Variants in PDE3A observed in about 807,000 individuals in gnomAD.
PDE3A encodes the protein cGMP-inhibited 3',5'-cyclic phosphodiesterase 3A.
PDE3A carries 43 observed loss-of-function variants against 98.3 expected under a neutral mutation model. The observed-to-expected ratio is 0.44, with a 90% CI of 0.34 to 0.56. The LOEUF (loss-of-function observed/expected upper bound fraction) is 0.56. PDE3A is among the 20% of genes least tolerant of loss of function. The pLI is 0.01. For missense variants in PDE3A, 1,427 were observed against 1,440.7 expected (o/e 0.99, Z 0.15); for synonymous variants, 663 against 567.9 (o/e 1.17, Z -2.38).
rs144214843 is a variant in PDE3A at position 20,415,371 on chromosome 12, C to T, written c.960+45127C>T. On this transcript the variant is annotated intron_variant, in intron 1 of 15. Transcript: ENST00000359062. ...TTTGTGATAAAGTATTCAGTTCACT[C>T]GGAATAAGCCGTTGGCCTCCTTTTA... Among the ~76,000 whole-genome samples the T allele has an allele frequency of 3.3e-3, 496 of 151,718 alleles. 2 individuals are homozygous for T. The highest frequency in any genetic ancestry group is 0.027 in the Middle Eastern group (8 of 294).
chr12:20,679,680 C>A (rs1362706044), intron 15 of PDE3A, among the ~76,000 whole-genome samples: 1 of 151,908 alleles, frequency 6.6e-6, no homozygotes, highest in East Asian at 1.9e-4. Flanking sequence ...TTTCAGTGAT[C>A]TATGTGGAAA....
Position 20,369,304 on chromosome 12 carries a change from C to A in PDE3A, c.20C>A (p.Ala7Asp). Residue 7 changes from alanine (A) to aspartate (D), a missense_variant, in exon 1 of 16, where the codon GCT becomes GAT. Physicochemically the swap from Ala to Asp is moderately radical, Grantham distance 126. This residue lies in a region of PDE3A where 1,012 missense variants were observed against 886.5 expected (regional missense o/e 1.14). Coordinates refer to ENST00000359062, the MANE Select transcript of PDE3A (RefSeq NM_000921.5). ...TATACCATGGCAGTGCCCGGCGACG[C>A]TGCACGAGTCAGGGACAAGCCCGTC... MAVPGDAARVRDKPVHS... is the reference protein window; with the variant it reads MAVPGDDARVRDKPVHS... The A allele has an allele frequency of 6.5e-7, 1 of 1,529,600 alleles. No individual in the cohort carries two copies. Among genetic ancestry groups the A allele is most frequent in the Non-Finnish European group, 8.8e-7 (1 of 1,134,042 alleles). 94.8% of individuals were successfully genotyped at this position (1,529,600 alleles called of 1,614,324 possible). A position where few individuals can be genotyped will look rare whatever the true frequency, so the allele number is the denominator to read the frequency against.
rs192106739 is a variant in PDE3A at position 20,635,135 on chromosome 12, T to C, written c.2001+79T>C. On this transcript the variant is annotated intron_variant, in intron 8 of 15. Transcript: ENST00000359062. ...CAGATATTGGCTCAGAAATGAATCTTTGAGGCCAGGCAAGGTGGCTCACAC... is the reference window on the plus strand; with the variant it reads ...CAGATATTGGCTCAGAAATGAATCTCTGAGGCCAGGCAAGGTGGCTCACAC... 1,880 of 1,349,008 alleles carry C rather than the reference T, an allele frequency of 1.4e-3. 1 individual carries two copies. Among genetic ancestry groups the C allele is most frequent in the Middle Eastern group, 4.1e-3 (22 of 5,324 alleles). The allele number at this position is 1,349,008 out of a possible 1,614,324, so 83.6% of individuals were successfully genotyped here. A position where few individuals can be genotyped will look rare whatever the true frequency, so the allele number is the denominator to read the frequency against.
At chr12:20,488,360 C>T (rs1945768053) in intron 1 of PDE3A, among the ~76,000 whole-genome samples, 1 of 152,116 alleles carries the variant, frequency 6.6e-6, no homozygotes, top group Non-Finnish European at 1.5e-5. Context: ...AACAGGAATT[C>T]TTGATATTTA....
At chr12:20,536,091 G>C (rs1941741590) in intron 1 of PDE3A, among the ~76,000 whole-genome samples, 1 of 152,098 alleles carries the variant, frequency 6.6e-6, no homozygotes, top group African/African-American at 2.4e-5. Flanking sequence ...TAAGTGGAAA[G>C]ATTCCTAAAT....
chr12:20,517,341 G>A (rs968234862), intron 1 of PDE3A, among the ~76,000 whole-genome samples: 10 of 152,162 alleles, frequency 6.6e-5, no homozygotes, highest in Non-Finnish European at 1.5e-4. Context: ...TATGAAGAAG[G>A]GGTTGGACTA....
At chr12:20,635,684 C>T (rs1355170713) in intron 8 of PDE3A, among the ~76,000 whole-genome samples, 17 of 141,598 alleles carry the variant, frequency 1.2e-4, no homozygotes, top group Non-Finnish European at 1.8e-4. Flanking sequence ...ACCCAGGAGG[C>T]GGAGGTTGCA....
chr12:20,546,873 A>G (rs889323138), intron 1 of PDE3A, among the ~76,000 whole-genome samples: 1 of 152,112 alleles, frequency 6.6e-6, no homozygotes, highest in African/African-American at 2.4e-5. Flanking sequence ...CTGGTGTATT[A>G]GTATTTCCCT....
At chr12:20,502,155 A>G (rs1054090611) in intron 1 of PDE3A, among the ~76,000 whole-genome samples, 3 of 152,190 alleles carry the variant, frequency 2.0e-5, no homozygotes, top group African/African-American at 7.2e-5. Context: ...GGTACTTCCT[A>G]TTAAATCACG....
Position 20,637,190 on chromosome 12 carries a change from G to T in PDE3A, c.2092G>T (p.Asp698Tyr), listed in dbSNP as rs777693840. Residue 698 changes from aspartate (D) to tyrosine (Y), a missense_variant, in exon 9 of 16, where the codon GAT becomes TAT. This residue lies in a region of PDE3A where 273 missense variants were observed against 420.3 expected (regional missense o/e 0.65). Coordinates refer to ENST00000359062, the MANE Select transcript of PDE3A (RefSeq NM_000921.5). ...QLNTWNFPIF[D>Y]LVENIGRKCG... ...AAATACTTGGAATTTTCCAATTTTTGATTTAGTGGAAAATATAGGAAGAAA... is the reference window on the plus strand; with the variant it reads ...AAATACTTGGAATTTTCCAATTTTTTATTTAGTGGAAAATATAGGAAGAAA... 4 of 1,608,906 alleles carry T rather than the reference G, an allele frequency of 2.5e-6. No homozygotes were observed. The highest frequency in any genetic ancestry group is 3.4e-6 in the Non-Finnish European group (4 of 1,176,030).
At chr12:20,629,258 T>C (rs938284361) in intron 5 of PDE3A, among the ~76,000 whole-genome samples, 1 of 152,178 alleles carries the variant, frequency 6.6e-6, no homozygotes, top group African/African-American at 2.4e-5. Context: ...CAAATACCCA[T>C]ACTTGAAATG....
At chr12:20,400,898 T>C (rs143718227) in intron 1 of PDE3A, among the ~76,000 whole-genome samples, 8 of 152,332 alleles carry the variant, frequency 5.3e-5, no homozygotes, top group Non-Finnish European at 1.0e-4. Flanking sequence ...TTTAGAGATA[T>C]CACAGATTCT....
At chr12:20,465,485 A>G (rs1409445462) in intron 1 of PDE3A, among the ~76,000 whole-genome samples, 1 of 152,164 alleles carries the variant, frequency 6.6e-6, no homozygotes, top group Non-Finnish European at 1.5e-5. Flanking sequence ...ATCTTGGCTC[A>G]CTGCAACCTT....
intron 1 of PDE3A, among the ~76,000 whole-genome samples, chr12:20,427,513 C>T (rs985253438): frequency 1.3e-5 from 2 of 152,070 alleles, no homozygotes; most frequent in Non-Finnish European, 2.9e-5. Context: ...TATGCTAGAT[C>T]TTAGAATTCC....
chr12:20,579,627 C>A (rs1943019027), intron 2 of PDE3A, among the ~76,000 whole-genome samples: 1 of 152,170 alleles, frequency 6.6e-6, no homozygotes, highest in Non-Finnish European at 1.5e-5. Context: ...CTCTTTCCAG[C>A]CACTAATGCC....
intron 1 of PDE3A, among the ~76,000 whole-genome samples, chr12:20,425,215 C>T (rs1944583793): frequency 6.6e-6 from 1 of 152,090 alleles, no homozygotes; most frequent in Non-Finnish European, 1.5e-5. Flanking sequence ...TTGGAGTAGT[C>T]TTTAATTACT....
intron 1 of PDE3A, among the ~76,000 whole-genome samples, chr12:20,528,952 T>C (rs941258545): frequency 6.6e-6 from 1 of 152,108 alleles, no homozygotes; most frequent in Non-Finnish European, 1.5e-5. Flanking sequence ...GAGGGACTTT[T>C]TTCCTGGTTT....
chr12:20,637,488 T>G lies in PDE3A; in HGVS notation c.2139+251T>G, dbSNP rs113805292. On this transcript the variant is annotated intron_variant, in intron 9 of 15. Coordinates refer to ENST00000359062, the MANE Select transcript of PDE3A (RefSeq NM_000921.5). ...GACAAAGTAGGTGGGGATAGAGATA[T>G]ATAGACAAGGGACAAACGATCTAGA... 3.3e-5 allele frequency among the ~76,000 whole-genome samples: 5 copies of G among 152,244 alleles called. 1 individual carries two copies. Among genetic ancestry groups the G allele is most frequent in the African/African-American group, 1.2e-4 (5 of 41,564 alleles).
rs370492366 is a variant in PDE3A at position 20,648,849 on chromosome 12, C to T, written c.2727C>T (p.Asp909=). 7 of 1,613,484 alleles carry T rather than the reference C, an allele frequency of 4.3e-6. No homozygotes were observed. Among genetic ancestry groups the T allele is most frequent in the Middle Eastern group, 1.6e-4 (1 of 6,084 alleles). ...FLVIEAILAT[D]LKKHFDFVAK... ...TCATTGAAGCAATTTTGGCCACTGA[C>T]CTGAAGAAACACTTTGACTTCGTAG... Residue 909 remains aspartate (D), a synonymous_variant, in exon 13 of 16, where the codon GAC becomes GAT. Coordinates refer to ENST00000359062, the MANE Select transcript of PDE3A (RefSeq NM_000921.5).
Sources: gnomAD v4.1 joint callset for allele counts (sites outside exome capture counted in the v4.1 genomes callset) on GRCh38, gnomAD v4.1.1 for gene constraint, gnomAD v4.1.1 regional missense constraint, MANE v1.5 for transcripts, NCBI Gene and HGNC (gene_info 2026-07-23, HGNC 2026-07-21) for gene names.